CDH8: variants seen among roughly 807,000 people sequenced by gnomAD.
CDH8 encodes the protein cadherin-8.
CDH8 carries 17 observed loss-of-function variants against 68.1 expected under a neutral mutation model. That is an observed-to-expected ratio of 0.25 (90% CI 0.17 to 0.37). The LOEUF is 0.37. Ranked by LOEUF, CDH8 falls within the 10% of genes least tolerant of loss-of-function variation. The pLI is 1.00. For missense variants in CDH8, 763 were observed against 999.3 expected (o/e 0.76, Z 3.19); for synonymous variants, 372 against 365.1 (o/e 1.02, Z -0.21).
At chr16:61,896,680 G>C (rs1159265516) in intron 3 of CDH8, among the ~76,000 whole-genome samples, 1 of 152,156 alleles carries the variant, frequency 6.6e-6, no homozygotes, top group Non-Finnish European at 1.5e-5. Flanking sequence ...TTTAACCAGA[G>C]AGGCTGTAGT....
chr16:61,716,559 G>C (rs1399346571), intron 9 of CDH8, among the ~76,000 whole-genome samples: 1 of 151,646 alleles, frequency 6.6e-6, no homozygotes, highest in African/African-American at 2.4e-5. Context: ...ACAAGTATGA[G>C]AACCACTGTT....
At chr16:61,923,793 G>A (rs1360289232) in intron 2 of CDH8, among the ~76,000 whole-genome samples, 1 of 145,668 alleles carries the variant, frequency 6.9e-6, no homozygotes, top group East Asian at 2.0e-4. Flanking sequence ...GTATATATGT[G>A]ATAAATATAT....
intron 9 of CDH8, chr16:61,726,490 C>T (rs74530601): frequency 0.032 from 4,732 of 150,178 alleles, 343 homozygotes; most frequent in East Asian, 0.24. Context: ...TTTCCTTCTC[C>T]CTCTCTCTCA....
intron 8 of CDH8, among the ~76,000 whole-genome samples, chr16:61,766,440 G>A (rs887311978): frequency 6.6e-6 from 1 of 151,910 alleles, no homozygotes; most frequent in Non-Finnish European, 1.5e-5. Context: ...GAATCGCACT[G>A]TGATAAACAT....
At chr16:61,790,413 T>G (rs569427751) in intron 7 of CDH8, among the ~76,000 whole-genome samples, 1 of 152,184 alleles carries the variant, frequency 6.6e-6, no homozygotes, top group South Asian at 2.1e-4. Context: ...AGGTGGACTA[T>G]TGGCCCGTAA....
chr16:61,766,982 A>G (rs1427389373), intron 8 of CDH8, among the ~76,000 whole-genome samples: 3 of 151,976 alleles, frequency 2.0e-5, no homozygotes, highest in South Asian at 4.1e-4. Flanking sequence ...GGATAAAACA[A>G]TCTGCAGCAA....
At chr16:62,009,576 C>T (rs1017325050) in intron 2 of CDH8, among the ~76,000 whole-genome samples, 1 of 152,042 alleles carries the variant, frequency 6.6e-6, no homozygotes, top group Non-Finnish European at 1.5e-5. Flanking sequence ...TTTTTCATTC[C>T]ACTCTTCTTT....
chr16:61,731,404 A>G (rs1273115579), intron 8 of CDH8, among the ~76,000 whole-genome samples: 1 of 151,756 alleles, frequency 6.6e-6, no homozygotes, highest in African/African-American at 2.4e-5. Flanking sequence ...ATTATGACCT[A>G]GGACGCTTTT....
At chr16:61,671,173 G>T (rs1963785235) in intron 10 of CDH8, among the ~76,000 whole-genome samples, 1 of 151,974 alleles carries the variant, frequency 6.6e-6, no homozygotes, top group African/African-American at 2.4e-5. Flanking sequence ...CATATTCTTG[G>T]ATTTTACTCT....
At chr16:61,989,950 T>C (rs1205171508) in intron 2 of CDH8, among the ~76,000 whole-genome samples, 2 of 152,154 alleles carry the variant, frequency 1.3e-5, no homozygotes, top group Non-Finnish European at 2.9e-5. Context: ...AAAAAGTAAA[T>C]ATCACATGCT....
intron 1 of CDH8, among the ~76,000 whole-genome samples, chr16:62,024,693 T>C (rs560055749): frequency 5.3e-5 from 8 of 152,326 alleles, no homozygotes; most frequent in African/African-American, 1.4e-4. Context: ...TAGTCACGAA[T>C]AGTATCCACT....
intron 1 of CDH8, among the ~76,000 whole-genome samples, chr16:62,026,765 C>T (rs532944696): frequency 2.0e-4 from 31 of 152,156 alleles, no homozygotes; most frequent in Non-Finnish European, 3.7e-4. Context: ...CCTGCTAATT[C>T]GAGAGGGATG....
intron 4 of CDH8, among the ~76,000 whole-genome samples, chr16:61,842,892 G>C (rs1962718581): frequency 2.0e-5 from 3 of 152,120 alleles, no homozygotes; most frequent in Non-Finnish European, 2.9e-5. Flanking sequence ...TTACTGAAAT[G>C]GTTGCATGGA....
At chr16:61,959,306 A>T (rs1313377292) in intron 2 of CDH8, among the ~76,000 whole-genome samples, 1 of 152,140 alleles carries the variant, frequency 6.6e-6, no homozygotes, top group Non-Finnish European at 1.5e-5. Context: ...AAAAGACATC[A>T]TTTAACATAC....
chr16:61,859,623 G>A (rs1963114616), intron 3 of CDH8, among the ~76,000 whole-genome samples: 1 of 152,094 alleles, frequency 6.6e-6, no homozygotes, highest in Admixed American at 6.6e-5. Context: ...AATTAAGAGA[G>A]GATAAAACAT....
chr16:61,673,878 G>T (rs1963844241), intron 10 of CDH8, among the ~76,000 whole-genome samples: 1 of 152,110 alleles, frequency 6.6e-6, no homozygotes, highest in Non-Finnish European at 1.5e-5. Context: ...AGGAAACTCT[G>T]CAGAAAACAG....
At chr16:61,742,718 T>C (rs1596922279) in intron 8 of CDH8, among the ~76,000 whole-genome samples, 2 of 152,192 alleles carry the variant, frequency 1.3e-5, no homozygotes, top group East Asian at 3.9e-4. Context: ...GTTTTGCTAA[T>C]ATGTTACCTA....
chr16:61,832,227 T>C (rs1277997539), intron 4 of CDH8, among the ~76,000 whole-genome samples: 1 of 151,648 alleles, frequency 6.6e-6, no homozygotes. Flanking sequence ...AGAAAATAAT[T>C]CGGCCTCCAT....
chr16:61,666,327 TAA>T (rs890111888), intron 10 of CDH8, among the ~76,000 whole-genome samples: 3 of 152,048 alleles, frequency 2.0e-5, no homozygotes, highest in Non-Finnish European at 4.4e-5. Flanking sequence ...GTATGTTTAA[TAA>T]AACAGGATTG....
Sources: allele counts gnomAD v4.1 joint callset (sites outside exome capture counted in the v4.1 genomes callset), GRCh38; gene constraint gnomAD v4.1.1; transcripts MANE v1.5; gene names NCBI Gene and HGNC (gene_info 2026-07-23, HGNC 2026-07-21).